Variants in DDC observed in about 807,000 individuals in gnomAD.
DDC encodes dopa decarboxylase.
A neutral mutation model predicts 60.0 loss-of-function variants in DDC; 43 were observed. The observed-to-expected ratio is 0.72, with a 90% CI of 0.56 to 0.92. The LOEUF (loss-of-function observed/expected upper bound fraction) is 0.92. Among genes scored for constraint, DDC ranks in the 40% least tolerant of loss-of-function variants. The pLI is 0.00. For missense variants in DDC, 573 were observed against 620.2 expected (o/e 0.92, Z 0.81); for synonymous variants, 232 against 234.6 (o/e 0.99, Z 0.10).
intron 10 of DDC, among the ~76,000 whole-genome samples, chr7:50,478,186 T>C (rs2042690465): frequency 6.7e-6 from 1 of 149,566 alleles, no homozygotes; most frequent in African/African-American, 2.5e-5. Context: ...GCATTCCAGC[T>C]TGGGTGACAG....
chr7:50,512,999 G>A (rs2043621865), intron 6 of DDC, among the ~76,000 whole-genome samples: 1 of 152,222 alleles, frequency 6.6e-6, no homozygotes, highest in Admixed American at 6.5e-5. Flanking sequence ...GATTGAGATT[G>A]CAGCACTGGA....
intron 8 of DDC, among the ~76,000 whole-genome samples, chr7:50,497,639 C>T (rs561255500): frequency 6.6e-6 from 1 of 152,116 alleles, no homozygotes; most frequent in African/African-American, 2.4e-5. Context: ...AACTAGCTAC[C>T]GGCAATGAAC....
intron 14 of DDC, among the ~76,000 whole-genome samples, chr7:50,460,415 G>T (rs574442053): frequency 3.4e-5 from 5 of 146,668 alleles, no homozygotes; most frequent in Admixed American, 6.7e-5. Context: ...AGGTGGGGGG[G>T]TCAGCCCCCT....
chr7:50,463,004 A>G (rs559856721), intron 14 of DDC, among the ~76,000 whole-genome samples: 10 of 152,268 alleles, frequency 6.6e-5, no homozygotes, highest in Non-Finnish European at 5.9e-5. Flanking sequence ...TCTTGACCTC[A>G]TGATCTGCCC....
At chr7:50,512,948 T>C (rs1246014954) in intron 6 of DDC, among the ~76,000 whole-genome samples, 3 of 152,212 alleles carry the variant, frequency 2.0e-5, no homozygotes, top group Non-Finnish European at 2.9e-5. Context: ...CTTACATTTA[T>C]ACCTAAGGCC....
chr7:50,561,175 TC>T (rs2045338755), intron 1 of DDC: 1 of 152,050 alleles, frequency 6.6e-6, no homozygotes, highest in Admixed American at 6.5e-5. Flanking sequence ...GCAGCATCCC[TC>T]CACCCTCCCA....
intron 6 of DDC, among the ~76,000 whole-genome samples, chr7:50,506,526 T>C (rs1005302406): frequency 6.6e-6 from 1 of 152,166 alleles, no homozygotes; most frequent in Non-Finnish European, 1.5e-5. Flanking sequence ...AAGGTGAACT[T>C]GCAAGTGAGT....
At chr7:50,482,572 A>G (rs1554417045) in intron 9 of DDC, among the ~76,000 whole-genome samples, 2 of 151,812 alleles carry the variant, frequency 1.3e-5, no homozygotes, top group Non-Finnish European at 2.9e-5. Flanking sequence ...TCCTCACTAT[A>G]TTTTTTTTCA....
intron 1 of DDC, among the ~76,000 whole-genome samples, chr7:50,551,795 A>G (rs916983115): frequency 6.6e-6 from 1 of 152,178 alleles, no homozygotes; most frequent in Non-Finnish European, 1.5e-5. Context: ...ATTTTTATGT[A>G]GTGAAATCTC....
chr7:50,527,393 T>C (rs1481295090), intron 6 of DDC, among the ~76,000 whole-genome samples: 3 of 152,206 alleles, frequency 2.0e-5, no homozygotes, highest in African/African-American at 7.2e-5. Flanking sequence ...TGAGTCTTAA[T>C]ATTGACACTA....
intron 6 of DDC, among the ~76,000 whole-genome samples, chr7:50,513,603 T>C (rs2122819): frequency 0.95 from 143,886 of 152,200 alleles, 68,147 homozygotes; most frequent in Non-Finnish European, 0.98. Flanking sequence ...CTCTCGCCCA[T>C]GCCCAGAAAC....
chr7:50,552,694 A>C (rs138348601), intron 1 of DDC, among the ~76,000 whole-genome samples: 1 of 152,240 alleles, frequency 6.6e-6, no homozygotes, highest in Non-Finnish European at 1.5e-5. Context: ...AGGACCAGTC[A>C]GGGGCCCTGG....
intron 6 of DDC, among the ~76,000 whole-genome samples, chr7:50,516,795 G>A (rs114344310): frequency 0.013 from 1,920 of 152,208 alleles, 50 homozygotes; most frequent in African/African-American, 0.044. Flanking sequence ...AGGCTACTAT[G>A]AGCACATTTA....
chr7:50,519,913 C>G (rs1563023000), intron 6 of DDC, among the ~76,000 whole-genome samples: 4 of 151,896 alleles, frequency 2.6e-5, no homozygotes, highest in Non-Finnish European at 2.9e-5. Context: ...ACACCTAAGG[C>G]CAATTTTCAG....
At position 50,458,537 on chromosome 7, in the gene DDC, C is replaced by A. The variant is rs2042175143; in HGVS notation, c.*325G>T. 6.6e-6 allele frequency: 1 copy of A among 152,202 alleles called. No individual in the cohort carries two copies. Among genetic ancestry groups the A allele is most frequent in the Non-Finnish European group, 1.5e-5 (1 of 68,040 alleles). The allele number at this position is 152,202 out of a possible 1,614,324, so 9.4% of individuals were successfully genotyped here. ...TCAAGTTGCGTGAACATTGATTGCC[C>A]TGGAAAATATATCAGTGAGGCTTTC... On this transcript the variant is annotated 3_prime_UTR_variant, in exon 15 of 15. Coordinates refer to ENST00000444124, the MANE Select transcript of DDC (RefSeq NM_001082971.2).
intron 1 of DDC, among the ~76,000 whole-genome samples, chr7:50,560,217 G>A (rs2045310892): frequency 6.6e-6 from 1 of 152,170 alleles, no homozygotes; most frequent in African/African-American, 2.4e-5. Flanking sequence ...TCACCTTTTG[G>A]AGGGGAAACT....
At chr7:50,557,306 T>C (rs909506320) in intron 1 of DDC, among the ~76,000 whole-genome samples, 13 of 152,344 alleles carry the variant, frequency 8.5e-5, no homozygotes, top group African/African-American at 3.1e-4. Context: ...GTCTTGGTTT[T>C]CAGTTTTCCT....
chr7:50,480,208 GC>G (rs931524708), intron 9 of DDC, among the ~76,000 whole-genome samples: 1 of 152,104 alleles, frequency 6.6e-6, no homozygotes, highest in African/African-American at 2.4e-5. Context: ...AGATGAGTTG[GC>G]CAGTGATTTA....
At chr7:50,460,864 G>A (rs1295892547) in intron 14 of DDC, among the ~76,000 whole-genome samples, 3 of 151,422 alleles carry the variant, frequency 2.0e-5, no homozygotes, top group Non-Finnish European at 4.4e-5. Flanking sequence ...TGCTCGTTAA[G>A]AGTCATCACC....
Sources: gnomAD v4.1 joint callset for allele counts (sites outside exome capture counted in the v4.1 genomes callset) on GRCh38, gnomAD v4.1.1 for gene constraint, MANE v1.5 for transcripts, NCBI Gene and HGNC (gene_info 2026-07-23, HGNC 2026-07-21) for gene names.